Variants in RARB observed in about 807,000 individuals in gnomAD.
RARB encodes HBV-activated protein.
Under a neutral mutation model 51.9 loss-of-function variants are expected in RARB, and 17 were observed. The observed-to-expected ratio is 0.33, with a 90% CI of 0.22 to 0.49. The LOEUF (loss-of-function observed/expected upper bound fraction) is 0.49, where lower values mean the gene tolerates loss of function less well. RARB is among the 20% of genes least tolerant of loss of function. The probability of loss-of-function intolerance (pLI) is 0.99; values close to 1 mark genes in which losing one functional copy is unlikely to be tolerated. For synonymous variants in RARB, 215 were observed against 195.4 expected (o/e 1.10, Z -0.84); for missense variants, 369 against 550.8 (o/e 0.67, Z 3.30).
chr3:25,033,018 T>G (rs1273506551), intron 2 of RARB, among the ~76,000 whole-genome samples: 3 of 152,240 alleles, frequency 2.0e-5, no homozygotes, highest in Non-Finnish European at 4.4e-5. Context: ...CTTAAGTCAT[T>G]CCTTCTACTC....
chr3:25,199,250 A>G (rs1019023662), intron 5 of RARB, among the ~76,000 whole-genome samples: 3 of 151,994 alleles, frequency 2.0e-5, no homozygotes, highest in Non-Finnish European at 2.9e-5. Context: ...AAATTAAAAC[A>G]ATTGAACTCA....
chr3:25,508,799 A>G (rs556215778), intron 3 of RARB, among the ~76,000 whole-genome samples: 4 of 152,056 alleles, frequency 2.6e-5, no homozygotes, highest in Non-Finnish European at 5.9e-5. Flanking sequence ...TCCTACTTTT[A>G]TACCTAAAAA....
At chr3:25,339,301 A>G (rs900111793) in intron 5 of RARB, among the ~76,000 whole-genome samples, 1 of 152,162 alleles carries the variant, frequency 6.6e-6, no homozygotes, top group Non-Finnish European at 1.5e-5. Flanking sequence ...GGAAGTGTAA[A>G]TACTCTGTAG....
chr3:24,972,517 G>T (rs1344782536), intron 2 of RARB, among the ~76,000 whole-genome samples: 1 of 151,862 alleles, frequency 6.6e-6, no homozygotes, highest in East Asian at 1.9e-4. Flanking sequence ...CAGTGGAATT[G>T]CTAGTTCATG....
chr3:25,228,476 T>G (rs1702106612), intron 5 of RARB, among the ~76,000 whole-genome samples: 1 of 152,084 alleles, frequency 6.6e-6, no homozygotes, highest in Admixed American at 6.6e-5. Context: ...GCCTTTTATC[T>G]CTTTAATTAT....
chr3:24,983,498 T>G (rs1696720587), intron 2 of RARB, among the ~76,000 whole-genome samples: 1 of 152,158 alleles, frequency 6.6e-6, no homozygotes, highest in African/African-American at 2.4e-5. Context: ...AAGCCCTACA[T>G]GCATTAGTAT....
chr3:25,370,306 T>C (rs1575349538), intron 5 of RARB, among the ~76,000 whole-genome samples: 1 of 152,178 alleles, frequency 6.6e-6, no homozygotes, highest in East Asian at 1.9e-4. Context: ...CAAAATACAA[T>C]AGCATAAAAA....
At chr3:25,405,346 C>T (rs1326745917) in intron 5 of RARB, among the ~76,000 whole-genome samples, 1 of 152,172 alleles carries the variant, frequency 6.6e-6, no homozygotes, top group African/African-American at 2.4e-5. Context: ...CAGTGAGACC[C>T]TGTCTCTATT....
chr3:25,571,156 G>C lies in RARB; in HGVS notation c.609+1238G>C, dbSNP rs557081240. Among the ~76,000 whole-genome samples the C allele has an allele frequency of 1.9e-4, 29 of 152,332 alleles. 3 individuals are homozygous for C. In the South Asian group the frequency reaches 2.1e-3, roughly 11 times the overall value. On this transcript the variant is annotated intron_variant, in intron 4 of 7. Transcript: ENST00000330688. ...CAGTTGGGTGGCACCAGCTTCTGAAGGGCTGGCACCCACCTTAAACAGACA... is the reference window on the plus strand; with the variant it reads ...CAGTTGGGTGGCACCAGCTTCTGAACGGCTGGCACCCACCTTAAACAGACA...
At chr3:25,106,416 C>T (rs960070662) in intron 3 of RARB, among the ~76,000 whole-genome samples, 1 of 149,390 alleles carries the variant, frequency 6.7e-6, no homozygotes, top group Non-Finnish European at 1.5e-5. Context: ...GCTGGGATTA[C>T]AGGCATGTAC....
rs796907457 is a variant in RARB at position 25,430,952 on chromosome 3, G to A, written c.157+2064G>A. 4.9e-5 allele frequency among the ~76,000 whole-genome samples: 6 copies of A among 122,666 alleles called. 1 individual carries two copies. The highest frequency in any genetic ancestry group is 1.5e-4 in the African/African-American group (5 of 32,854). The allele number at this position is 122,666 out of a possible 152,430, so 80.5% of individuals were successfully genotyped here. A position where few individuals can be genotyped will look rare whatever the true frequency, so the allele number is the denominator to read the frequency against. On this transcript the variant is annotated intron_variant, in intron 1 of 7. Coordinates refer to ENST00000330688, the MANE Select transcript of RARB (RefSeq NM_000965.5). ...CTTTATGATGGTCAGTTGTTCCAAC[G>A]ATTTTTTTTTTTTTTTAGCATAAAT...
intron 4 of RARB, 96 bp from the exon 5 acceptor site, chr3:25,580,450 A>T: frequency 8.2e-7 from 1 of 1,216,046 alleles, no homozygotes; most frequent in Admixed American, 2.3e-5. Flanking sequence ...CTCAAGGCTG[A>T]CATGTCACCC....
chr3:25,359,567 A>G lies in RARB; in HGVS notation c.179-101626A>G, dbSNP rs138166888. The stretch of plus-strand genomic sequence containing the variant: ...CTCTAGTTCTTTTAATTGTGATGTT[A>G]GAGTGTTGATTTTAGATCTTTCCTG... On this transcript the variant is annotated intron_variant, in intron 5 of 11. Coordinates refer to the RARB transcript ENST00000383772. 1.1e-4 allele frequency among the ~76,000 whole-genome samples: 16 copies of G among 152,226 alleles called. 1 individual carries two copies. Among genetic ancestry groups the G allele is most frequent in the Admixed American group, 4.6e-4 (7 of 15,284 alleles).
At chr3:24,966,843 G>A (rs1696285953) in intron 2 of RARB, among the ~76,000 whole-genome samples, 1 of 152,036 alleles carries the variant, frequency 6.6e-6, no homozygotes, top group Admixed American at 6.6e-5. Flanking sequence ...AATCATTCAG[G>A]TGATCATTAT....
rs183544468 is a variant in RARB, at chr3:25,136,344, A to G, written c.-280+4136A>G. On this transcript the variant is annotated intron_variant, in intron 4 of 11. Transcript: ENST00000383772. ...TTTCTTGTCTTTATACTTGTATATT[A>G]AAAAAATTCCAACCATTCCCAGCAA... Among the ~76,000 whole-genome samples, 119 of 152,182 alleles carry G rather than the reference A, an allele frequency of 7.8e-4. 1 individual carries two copies. The Middle Eastern group carries it at 0.014, about 17-fold the overall frequency.
intron 5 of RARB, among the ~76,000 whole-genome samples, chr3:25,393,036 G>A (rs6805628): frequency 0.015 from 2,216 of 152,090 alleles, 59 homozygotes; most frequent in African/African-American, 0.051. Context: ...TGTCATAGAT[G>A]GCTTTTATTA....
intron 2 of RARB, among the ~76,000 whole-genome samples, chr3:24,978,808 T>G (rs1696576030): frequency 6.6e-6 from 1 of 152,192 alleles, no homozygotes; most frequent in Non-Finnish European, 1.5e-5. Context: ...TGAATTTGTT[T>G]GCTCTTGCTT....
At chr3:25,499,395 G>T (rs1182630384) in intron 2 of RARB, among the ~76,000 whole-genome samples, 1 of 152,184 alleles carries the variant, frequency 6.6e-6, no homozygotes, top group African/African-American at 2.4e-5. Context: ...TAGCAATGTG[G>T]AAGTTTTTCT....
intron 2 of RARB, among the ~76,000 whole-genome samples, chr3:24,917,572 C>G (rs1015621507): frequency 6.6e-6 from 1 of 152,198 alleles, no homozygotes; most frequent in Non-Finnish European, 1.5e-5. Context: ...GCTCTGTCAC[C>G]CAGACTAGAG....
Sources: allele counts gnomAD v4.1 joint callset (sites outside exome capture counted in the v4.1 genomes callset), GRCh38; gene constraint gnomAD v4.1.1; transcripts MANE v1.5; gene names NCBI Gene and HGNC (gene_info 2026-07-23, HGNC 2026-07-21).